Variants in CNTNAP2 observed in about 807,000 individuals in gnomAD.
The protein encoded by CNTNAP2 is contactin-associated protein-like 2.
A neutral mutation model predicts 155.2 loss-of-function variants in CNTNAP2; 98 were observed. The observed-to-expected ratio is 0.63, with a 90% CI of 0.54 to 0.75. The LOEUF (loss-of-function observed/expected upper bound fraction) is 0.75, where lower values mean the gene tolerates loss of function less well. Ranked by LOEUF, CNTNAP2 falls within the 30% of genes least tolerant of loss-of-function variation. CNTNAP2 has a pLI of 0.00. For synonymous variants in CNTNAP2, 651 were observed against 631.2 expected, an observed-to-expected ratio of 1.03 and a Z score of -0.47; for missense variants, 1,727 against 1,688.1, an observed-to-expected ratio of 1.02 and a Z score of -0.40.
In CNTNAP2 at chr7:148,008,357, G is replaced by A. The variant is rs562104713; in HGVS notation, c.2383+30368G>A. ...ACTACACTCCAGCCTGGGTGACAGA[G>A]CAAGACTCCATCTCAAACAAACAAA... On this transcript the variant is annotated intron_variant, in intron 15 of 23. Coordinates refer to ENST00000361727, the MANE Select transcript of CNTNAP2 (RefSeq NM_014141.6). Among the ~76,000 whole-genome samples, 232 of 152,272 alleles carry A rather than the reference G, an allele frequency of 1.5e-3. 1 individual carries two copies. Among genetic ancestry groups the A allele is most frequent in the African/African-American group, 5.4e-3 (225 of 41,562 alleles).
intron 1 of CNTNAP2, among the ~76,000 whole-genome samples, chr7:146,407,409 A>T (rs904655986): frequency 6.6e-6 from 1 of 152,162 alleles, no homozygotes; most frequent in Non-Finnish European, 1.5e-5. Context: ...AGTCTCATGA[A>T]ATGTACGATT....
chr7:146,440,271 G>T (rs1472499781), intron 1 of CNTNAP2, among the ~76,000 whole-genome samples: 1 of 151,668 alleles, frequency 6.6e-6, no homozygotes, highest in Non-Finnish European at 1.5e-5. Context: ...AGTAAATGAA[G>T]ATGAGTACTT....
chr7:147,917,881 C>T (rs972057202), intron 14 of CNTNAP2, among the ~76,000 whole-genome samples: 1 of 152,210 alleles, frequency 6.6e-6, no homozygotes, highest in Non-Finnish European at 1.5e-5. Context: ...CTTTACCTCA[C>T]TCACACTGGG....
chr7:147,493,925 C>T (rs1468591469), intron 11 of CNTNAP2, among the ~76,000 whole-genome samples: 1 of 152,148 alleles, frequency 6.6e-6, no homozygotes, highest in African/African-American at 2.4e-5. Context: ...GATGCAACTT[C>T]AGCATGGTGC....
At chr7:147,178,116 C>A (rs1278340192) in intron 8 of CNTNAP2, among the ~76,000 whole-genome samples, 5 of 152,082 alleles carry the variant, frequency 3.3e-5, no homozygotes, top group Admixed American at 3.3e-4. Context: ...CCTTACATGG[C>A]AAAAGGGACT....
At chr7:146,778,414 A>G (rs1038551746) in intron 2 of CNTNAP2, among the ~76,000 whole-genome samples, 1 of 152,210 alleles carries the variant, frequency 6.6e-6, no homozygotes, top group Admixed American at 6.5e-5. Context: ...AGATGTTTAA[A>G]TGAAAAATCC....
chr7:147,759,980 A>G (rs971667574), intron 13 of CNTNAP2, among the ~76,000 whole-genome samples: 3 of 152,116 alleles, frequency 2.0e-5, no homozygotes, highest in African/African-American at 7.2e-5. Flanking sequence ...TATGTTTCCA[A>G]GGATTCTTTA....
intron 1 of CNTNAP2, among the ~76,000 whole-genome samples, chr7:146,588,503 C>T (rs142266207): frequency 1.2e-4 from 16 of 133,842 alleles, no homozygotes; most frequent in African/African-American, 4.3e-4. Context: ...TGTGAAATTA[C>T]AGCTTATTAT....
chr7:146,125,543 T>G (rs1212850894), intron 1 of CNTNAP2, among the ~76,000 whole-genome samples: 1 of 121,356 alleles, frequency 8.2e-6, no homozygotes, highest in Non-Finnish European at 1.6e-5. Context: ...GCCACTGCAC[T>G]CCAGCCTGGG....
chr7:146,354,136 C>T (rs960566517), intron 1 of CNTNAP2, among the ~76,000 whole-genome samples: 1 of 152,122 alleles, frequency 6.6e-6, no homozygotes, highest in Admixed American at 6.5e-5. Context: ...GATAATTCAA[C>T]ACTAGGAGTC....
chr7:147,925,290 G>A (rs1317713279), intron 14 of CNTNAP2, among the ~76,000 whole-genome samples: 3 of 68,938 alleles, frequency 4.4e-5, no homozygotes, highest in African/African-American at 8.1e-5. Flanking sequence ...ACAAGCGCGC[G>A]CGCACACACA....
chr7:148,035,281 G>A (rs1802552560), intron 15 of CNTNAP2, among the ~76,000 whole-genome samples: 1 of 152,188 alleles, frequency 6.6e-6, no homozygotes, highest in Admixed American at 6.5e-5. Flanking sequence ...TATCAAGACA[G>A]TGGGAGAATT....
intron 1 of CNTNAP2, among the ~76,000 whole-genome samples, chr7:146,180,032 C>T (rs903069790): frequency 6.6e-6 from 1 of 152,192 alleles, no homozygotes; most frequent in African/African-American, 2.4e-5. Flanking sequence ...TTCACTCAAA[C>T]ATTGTAACAG....
At chr7:147,415,411 T>C (rs775988896) in intron 10 of CNTNAP2, among the ~76,000 whole-genome samples, 4 of 152,308 alleles carry the variant, frequency 2.6e-5, no homozygotes, top group Middle Eastern at 3.4e-3. Context: ...GTGGAGGTAA[T>C]TGAATCATGG....
chr7:146,522,758 TATA>T (rs911857493), intron 1 of CNTNAP2, among the ~76,000 whole-genome samples: 16 of 149,824 alleles, frequency 1.1e-4, no homozygotes, highest in African/African-American at 3.2e-4. Flanking sequence ...ATTATTAATA[TATA>T]ATAATATCTA....
chr7:147,022,555 T>A (rs745314016), intron 3 of CNTNAP2, among the ~76,000 whole-genome samples: 1 of 151,608 alleles, frequency 6.6e-6, no homozygotes, highest in East Asian at 1.9e-4. Flanking sequence ...TTATGTACTA[T>A]ACATATACGC....
chr7:146,382,773 T>C (rs1470925968), intron 1 of CNTNAP2, among the ~76,000 whole-genome samples: 2 of 152,172 alleles, frequency 1.3e-5, no homozygotes. Flanking sequence ...CTGTGAACTG[T>C]ACTTAGATGC....
chr7:147,030,967 C>A (rs1584793752), intron 3 of CNTNAP2, among the ~76,000 whole-genome samples: 1 of 152,252 alleles, frequency 6.6e-6, no homozygotes, highest in African/African-American at 2.4e-5. Context: ...TAGGTCTACT[C>A]TTCTGTCAAA....
chr7:147,898,861 A>G (rs1458181049), intron 13 of CNTNAP2, among the ~76,000 whole-genome samples: 4 of 152,148 alleles, frequency 2.6e-5, no homozygotes, highest in Non-Finnish European at 4.4e-5. Flanking sequence ...ACTGGCTGAC[A>G]TTACCTCTGT....
Sources: gnomAD v4.1 joint callset for allele counts (sites outside exome capture counted in the v4.1 genomes callset) on GRCh38, gnomAD v4.1.1 for gene constraint, MANE v1.5 for transcripts, NCBI Gene and HGNC (gene_info 2026-07-23, HGNC 2026-07-21) for gene names.